NUFIP1: variants seen among roughly 807,000 people sequenced by gnomAD.
NUFIP1 encodes the protein nuclear FMR1 interacting protein 1.
Under a neutral mutation model 56.2 loss-of-function variants are expected in NUFIP1, and 38 were observed. The ratio of observed to expected loss-of-function variants is 0.68; its 90% CI spans 0.52 to 0.89. The LOEUF (loss-of-function observed/expected upper bound fraction) is 0.89, where lower values mean the gene tolerates loss of function less well. NUFIP1 is among the 40% of genes least tolerant of loss of function. The probability of loss-of-function intolerance (pLI) is 0.00; values close to 1 mark genes in which losing one functional copy is unlikely to be tolerated. For synonymous variants in NUFIP1, 215 were observed against 212.4 expected, an observed-to-expected ratio of 1.01 and a Z score of -0.10; for missense variants, 567 against 605.8, an observed-to-expected ratio of 0.94 and a Z score of 0.67.
Position 44,959,390 on chromosome 13 carries a change from T to C in NUFIP1, c.1012A>G (p.Ser338Gly), listed in dbSNP as rs1479539787. ...TTCCTGTTTAGCTTACCAGAATCAC[T>C]GTTTATCAAAACACCAAGAGGATCT... ...NADPLGVLIN[S>G]DSESDKEEKP... The change falls in exon 7 of 10, where the codon AGT (serine) becomes GGT (glycine). Residue 338 changes from serine (S) to glycine (G), a missense_variant. Coordinates refer to ENST00000379161, the MANE Select transcript of NUFIP1 (RefSeq NM_012345.3). 7 of 1,613,094 alleles carry C rather than the reference T, an allele frequency of 4.3e-6. No homozygotes were observed. In the African/African-American group the frequency reaches 8.0e-5, roughly 18 times the overall value.
At chr13:44,966,967 C>G (rs1871625464) in intron 5 of NUFIP1, among the ~76,000 whole-genome samples, 2 of 149,894 alleles carry the variant, frequency 1.3e-5, no homozygotes, top group South Asian at 4.3e-4. Context: ...AGCAAGACTC[C>G]CCCTCAAAAC....
intron 8 of NUFIP1, 50 bp downstream of exon 8, chr13:44,949,672 G>C (rs777655319): frequency 4.3e-6 from 5 of 1,176,404 alleles, no homozygotes; most frequent in Non-Finnish European, 6.1e-6. Flanking sequence ...ATGCACAAAA[G>C]GCAAAAAGCA....
chr13:44,972,851 A>G (rs1368207353), intron 5 of NUFIP1, among the ~76,000 whole-genome samples: 1 of 152,222 alleles, frequency 6.6e-6, no homozygotes, highest in Non-Finnish European at 1.5e-5. Context: ...AAAGGCAAGA[A>G]GTTACTAGTG....
At chr13:44,968,746 A>G (rs1431419806) in intron 5 of NUFIP1, among the ~76,000 whole-genome samples, 2 of 152,214 alleles carry the variant, frequency 1.3e-5, no homozygotes, top group Non-Finnish European at 2.9e-5. Flanking sequence ...GCAGACTCTT[A>G]CCATGTTGGG....
chr13:44,963,102 A>C (rs923211862), intron 6 of NUFIP1, among the ~76,000 whole-genome samples: 3 of 152,192 alleles, frequency 2.0e-5, no homozygotes, highest in East Asian at 3.8e-4. Flanking sequence ...CAAAACAAAA[A>C]AAAAACTTGC....
At chr13:44,971,057 G>T (rs145350101) in intron 5 of NUFIP1, among the ~76,000 whole-genome samples, 106 of 152,174 alleles carry the variant, frequency 7.0e-4, no homozygotes, top group African/African-American at 2.4e-3. Flanking sequence ...CAAAAGAAAA[G>T]CAGTATTTCC....
intron 1 of NUFIP1, among the ~76,000 whole-genome samples, chr13:44,986,308 T>G (rs778480036): frequency 2.6e-5 from 4 of 152,146 alleles, no homozygotes; most frequent in Non-Finnish European, 5.9e-5. Flanking sequence ...AAAGAAGAAA[T>G]TCCAACCCTC....
Position 44,939,983 on chromosome 13 carries a change from G to T in NUFIP1, c.*1223C>A, listed in dbSNP as rs1870674588. 6.6e-6 allele frequency: 1 copy of T among 152,126 alleles called. No homozygotes were observed. 9.4% of individuals were successfully genotyped at this position (152,126 alleles called of 1,614,324 possible). ...ACACTAGTTACTTCATCCTGAGTTG[G>T]TTGGGAATCACATCTTTGAATATAT... is the stretch of plus-strand genomic sequence containing the variant. On this transcript the variant is annotated 3_prime_UTR_variant, in exon 10 of 10. Transcript: ENST00000379161.
chr13:44,965,549 C>G (rs1393344827), intron 6 of NUFIP1, among the ~76,000 whole-genome samples: 7 of 152,114 alleles, frequency 4.6e-5, no homozygotes, highest in Non-Finnish European at 1.0e-4. Context: ...CAAAAATTAG[C>G]TGGGCGTGGT....
At position 44,939,901 on chromosome 13, in the gene NUFIP1, C is replaced by T. The variant is rs1470512299; in HGVS notation, c.*1305G>A. ...CCCATAAGCCTATAAAATGTGTATG[C>T]TAACTAGTAATAAAAGTACAAACTG... On this transcript the variant is annotated 3_prime_UTR_variant, in exon 10 of 10. Coordinates refer to ENST00000379161, the MANE Select transcript of NUFIP1 (RefSeq NM_012345.3). 1 of 152,044 alleles carries T rather than the reference C, an allele frequency of 6.6e-6. No individual in the cohort carries two copies. Among genetic ancestry groups the T allele is most frequent in the Non-Finnish European group, 1.5e-5 (1 of 68,020 alleles). 9.4% of individuals were successfully genotyped at this position (152,044 alleles called of 1,614,324 possible).
intron 7 of NUFIP1, among the ~76,000 whole-genome samples, chr13:44,954,875 T>C (rs929131750): frequency 1.3e-5 from 2 of 152,200 alleles, no homozygotes; most frequent in Non-Finnish European, 2.9e-5. Context: ...CAACCTAGGT[T>C]ACGTGAGTGC....
chr13:44,946,228 TTC>T (rs755990984), intron 8 of NUFIP1, among the ~76,000 whole-genome samples: 22 of 152,292 alleles, frequency 1.4e-4, no homozygotes, highest in Admixed American at 3.3e-4. Flanking sequence ...ATTTATATTT[TTC>T]TCTTTCTTGA....
At position 44,943,664 on chromosome 13, in the gene NUFIP1, G is replaced by A. The variant is rs760402674; in HGVS notation, c.1149C>T (p.Ile383=). The part of the protein sequence containing the change: ...GSESEPEETP[I]KTEADVLAEN... ...CTGCCAAAACGTCTGCTTCAGTCTT[G>A]ATGGGAGTTTCTAAGTGTGATGAAA... Residue 383 remains isoleucine, a synonymous_variant, in exon 9 of 10, where the codon ATC becomes ATT. Coordinates refer to ENST00000379161, the MANE Select transcript of NUFIP1 (RefSeq NM_012345.3). 6 of 1,609,310 alleles carry A rather than the reference G, an allele frequency of 3.7e-6. No homozygotes were observed. In the Admixed American group the frequency reaches 5.1e-5, roughly 14 times the overall value.
intron 6 of NUFIP1, among the ~76,000 whole-genome samples, chr13:44,963,702 G>A (rs1428088096): frequency 1.3e-5 from 2 of 152,062 alleles, no homozygotes; most frequent in Admixed American, 1.3e-4. Flanking sequence ...ATCCCATTTA[G>A]TCATGATGTT....
intron 5 of NUFIP1, among the ~76,000 whole-genome samples, chr13:44,971,359 G>A (rs1463210211): frequency 6.6e-6 from 1 of 151,968 alleles, no homozygotes; most frequent in African/African-American, 2.4e-5. Flanking sequence ...CCTCTTCCAA[G>A]GCACTTCTGC....
chr13:44,949,006 A>T (rs1870989242), intron 8 of NUFIP1, among the ~76,000 whole-genome samples: 1 of 152,122 alleles, frequency 6.6e-6, no homozygotes, highest in South Asian at 2.1e-4. Flanking sequence ...TATATGCATT[A>T]AAAAAATTGT....
intron 6 of NUFIP1, among the ~76,000 whole-genome samples, chr13:44,960,843 A>T (rs1442378490): frequency 6.6e-6 from 1 of 152,080 alleles, no homozygotes; most frequent in African/African-American, 2.4e-5. Context: ...TGGGCGGATC[A>T]CTTGAGCTCA....
In NUFIP1 at chr13:44,941,176, T is replaced by C; in HGVS notation, c.*30A>G. On this transcript the variant is annotated 3_prime_UTR_variant, in exon 10 of 10. Coordinates refer to ENST00000379161, the MANE Select transcript of NUFIP1 (RefSeq NM_012345.3). ...ACGAGGATGATACTGTTTCACATGCTTCAGTTATGTATGCTGAAACACCAG... is the reference window on the plus strand; with the variant it reads ...ACGAGGATGATACTGTTTCACATGCCTCAGTTATGTATGCTGAAACACCAG... 2 of 1,123,466 alleles carry C rather than the reference T, an allele frequency of 1.8e-6. No individual in the cohort carries two copies. Among genetic ancestry groups the C allele is most frequent in the Non-Finnish European group, 2.7e-6 (2 of 750,986 alleles). The allele number at this position is 1,123,466 out of a possible 1,614,324, so 69.6% of individuals were successfully genotyped here.
chr13:44,974,504 G>A (rs1419317557), intron 5 of NUFIP1, among the ~76,000 whole-genome samples: 1 of 152,204 alleles, frequency 6.6e-6, no homozygotes, highest in Non-Finnish European at 1.5e-5. Context: ...ATGTGGTCAT[G>A]AAAGTAAGTG....
Sources: gnomAD v4.1 joint callset for allele counts (sites outside exome capture counted in the v4.1 genomes callset) on GRCh38, gnomAD v4.1.1 for gene constraint, MANE v1.5 for transcripts, NCBI Gene and HGNC (gene_info 2026-07-23, HGNC 2026-07-21) for gene names.